Variants in A4GALT observed in about 807,000 individuals in gnomAD.
The protein encoded by A4GALT is lactosylceramide 4-alpha-galactosyltransferase.
For synonymous variants in A4GALT, 257 were observed against 220.7 expected, an observed-to-expected ratio of 1.16 and a Z score of -1.46; for missense variants, 512 against 486.0, an observed-to-expected ratio of 1.05 and a Z score of -0.50.
At chr22:42,718,750 C>A (rs992630370) in intron 1 of A4GALT, among the ~76,000 whole-genome samples, 9 of 152,174 alleles carry the variant, frequency 5.9e-5, no homozygotes, top group Admixed American at 2.6e-4. Flanking sequence ...AGGGTCCTTC[C>A]CTCCAGGAGC....
chr22:42,704,756 CA>C (rs1395239202), intron 1 of A4GALT, among the ~76,000 whole-genome samples: 1 of 150,590 alleles, frequency 6.6e-6, no homozygotes, highest in Non-Finnish European at 1.5e-5. Flanking sequence ...CCAAATTATA[CA>C]AAGCAACATG....
In A4GALT at chr22:42,693,518, T is replaced by C; in HGVS notation, c.434A>G (p.Asp145Gly). 1 of 1,612,802 alleles carries C rather than the reference T, an allele frequency of 6.2e-7. No individual in the cohort carries two copies. The highest frequency in any genetic ancestry group is 2.2e-5 in the East Asian group (1 of 44,850). ...CFPNVQMLPL[D>G]LRELFRDTPL... Reference sequence around the variant, plus strand: ...TGTGTCCCGGAACAGCTCCCGCAGGTCCAGCGGGAGCATCTGGACATTCGG... The same window carrying C: ...TGTGTCCCGGAACAGCTCCCGCAGGCCCAGCGGGAGCATCTGGACATTCGG... Residue 145 changes from aspartate to glycine, a missense_variant, in exon 3 of 3, where the codon GAC becomes GGC. Transcript: ENST00000642412.
At chr22:42,715,204 C>T (rs969503364) in intron 1 of A4GALT, among the ~76,000 whole-genome samples, 1 of 152,054 alleles carries the variant, frequency 6.6e-6, no homozygotes, top group African/African-American at 2.4e-5. Flanking sequence ...CAGCTTCATA[C>T]CATAAATTCC....
rs1930669378 is a variant in A4GALT at position 42,693,627 on chromosome 22, G to A, written c.325C>T (p.His109Tyr). ...AGCCCTTTCATCAGGACCAGCACGTGGGATTCGGGGTGAGTTCTGGCGGCC... is the reference window on the plus strand; with the variant it reads ...AGCCCTTTCATCAGGACCAGCACGTAGGATTCGGGGTGAGTTCTGGCGGCC... ...ESAARTHPES[H>Y]VLVLMKGLPG... Residue 109 changes from histidine to tyrosine, a missense_variant, in exon 3 of 3, where the codon CAC becomes TAC. His to Tyr is a moderately conservative substitution (Grantham distance 83). Transcript: ENST00000642412. 6.2e-6 allele frequency: 10 copies of A among 1,613,722 alleles called. No individual in the cohort carries two copies. The highest frequency in any genetic ancestry group is 8.5e-6 in the Non-Finnish European group (10 of 1,180,004).
chr22:42,706,179 C>T (rs1188965857), intron 1 of A4GALT, among the ~76,000 whole-genome samples: 1 of 132,326 alleles, frequency 7.6e-6, no homozygotes, highest in African/African-American at 2.6e-5. Flanking sequence ...CACGGTGAAA[C>T]CCCGTCTCTA....
chr22:42,709,384 AC>A (rs1921480992), intron 1 of A4GALT, among the ~76,000 whole-genome samples: 1 of 152,100 alleles, frequency 6.6e-6, no homozygotes, highest in Non-Finnish European at 1.5e-5. Flanking sequence ...AAATACTTAA[AC>A]CAAAACCTGA....
intron 2 of A4GALT, chr22:42,694,781 C>T (rs1930803451): frequency 6.6e-6 from 1 of 152,228 alleles, no homozygotes; most frequent in African/African-American, 2.4e-5. Context: ...AGTCTTCCCA[C>T]CGACAGGATA....
chr22:42,696,135 A>AAAAAAAAAAAAAAG (rs1930913463), intron 1 of A4GALT, among the ~76,000 whole-genome samples: 1 of 149,152 alleles, frequency 6.7e-6, no homozygotes, highest in Non-Finnish European at 1.5e-5. Context: ...AAAAAAAAAA[A>AAAAAAAAAAAAAAG]AAAAGCCAGG....
chr22:42,699,229 A>G (rs1931140940), intron 1 of A4GALT, among the ~76,000 whole-genome samples: 1 of 151,948 alleles, frequency 6.6e-6, no homozygotes, highest in African/African-American at 2.4e-5. Context: ...GATTACAGGC[A>G]TGTGCCACCA....
intron 1 of A4GALT, among the ~76,000 whole-genome samples, chr22:42,697,345 T>A (rs1262236167): frequency 6.6e-6 from 1 of 152,076 alleles, no homozygotes; most frequent in African/African-American, 2.4e-5. Context: ...AGGACAGGGC[T>A]GTGGTGTGAA....
intron 1 of A4GALT, among the ~76,000 whole-genome samples, chr22:42,710,624 G>A (rs1203634124): frequency 1.3e-5 from 2 of 152,048 alleles, no homozygotes; most frequent in East Asian, 3.8e-4. Context: ...TTGAGCCCAG[G>A]AGGGGGAGGC....
At chr22:42,701,439 C>T (rs972982059) in intron 1 of A4GALT, among the ~76,000 whole-genome samples, 1 of 152,194 alleles carries the variant, frequency 6.6e-6, no homozygotes, top group Non-Finnish European at 1.5e-5. Flanking sequence ...TCTCCAGAGT[C>T]CCCATGACCC....
rs1432960532 is a variant in A4GALT at position 42,708,097 on chromosome 22, T to C, written c.-187-12466A>G. 2.1e-5 allele frequency among the ~76,000 whole-genome samples: 3 copies of C among 144,368 alleles called. 1 individual carries two copies. In the Admixed American group the frequency reaches 2.1e-4, roughly 10 times the overall value. The allele number at this position is 144,368 out of a possible 152,430, so 94.7% of individuals were successfully genotyped here. ...GGAGAAACCCCATCTCTACTAAAAA[T>C]ACAAAATTAGCCGGGTGTGGTGGCA... On this transcript the variant is annotated intron_variant, in intron 1 of 2. Coordinates refer to ENST00000642412, the MANE Select transcript of A4GALT (RefSeq NM_017436.7).
intron 1 of A4GALT, among the ~76,000 whole-genome samples, chr22:42,710,354 A>G (rs1921570447): frequency 6.6e-6 from 1 of 152,178 alleles, no homozygotes; most frequent in Non-Finnish European, 1.5e-5. Flanking sequence ...GACCCCGCTT[A>G]CAACAACAGT....
upstream of A4GALT, chr22:42,721,027 G>A (rs1032682698): frequency 1.3e-5 from 2 of 151,888 alleles, no homozygotes; most frequent in African/African-American, 2.4e-5. Flanking sequence ...GCTCCCCGGG[G>A]CGGGTGCGGA....
At chr22:42,695,239 AGC>A (rs1930842545) in intron 2 of A4GALT, 1 of 152,242 alleles carries the variant, frequency 6.6e-6, no homozygotes, top group Non-Finnish European at 1.5e-5. Context: ...ACCCTCAGCA[AGC>A]CCGAGGGGCA....
intron 1 of A4GALT, among the ~76,000 whole-genome samples, chr22:42,706,141 G>T (rs1183890030): frequency 1.2e-5 from 1 of 83,010 alleles, no homozygotes; most frequent in East Asian, 2.9e-4. Flanking sequence ...GGATCACGAG[G>T]TCAGGAGATC....
rs778094006 is a variant in A4GALT, at chr22:42,692,931, A to G, written c.1021T>C (p.Tyr341His). ...ATGGCCTCGTGCGTCGTGGGGCAGTAGCGGGCATGCAGCTGGGCCAGCAGT... is the reference window on the plus strand; with the variant it reads ...ATGGCCTCGTGCGTCGTGGGGCAGTGGCGGGCATGCAGCTGGGCCAGCAGT... ...RALLAQLHAR[Y>H]CPTTHEAMKM... The change falls in exon 3 of 3, where the codon TAC becomes CAC. Residue 341 changes from tyrosine to histidine, a missense_variant. Tyr to His is a moderately conservative substitution (Grantham distance 83, BLOSUM62 2). Coordinates refer to ENST00000642412, the MANE Select transcript of A4GALT (RefSeq NM_017436.7). This position sits in a 1 kb window ranked among gnomAD's most constrained non-coding sequence, Gnocchi z 4.6. The G allele has an allele frequency of 6.2e-7, 1 of 1,609,308 alleles. No homozygotes were observed. Among genetic ancestry groups the G allele is most frequent in the East Asian group, 2.2e-5 (1 of 44,876 alleles).
At chr22:42,709,320 C>T (rs1921467097) in intron 1 of A4GALT, among the ~76,000 whole-genome samples, 1 of 129,366 alleles carries the variant, frequency 7.7e-6, no homozygotes, top group African/African-American at 2.9e-5. Context: ...GCTGGAACTA[C>T]AGGCACGAGC....
Sources: allele counts gnomAD v4.1 joint callset (sites outside exome capture counted in the v4.1 genomes callset), GRCh38; gene constraint gnomAD v4.1.1; non-coding constraint Gnocchi (gnomAD v3.1); transcripts MANE v1.5; gene names NCBI Gene and HGNC (gene_info 2026-07-23, HGNC 2026-07-21).